Variants in SLC26A8 observed in about 807,000 individuals in gnomAD.
The protein encoded by SLC26A8 is testis anion transporter 1.
Under a neutral mutation model 105.0 loss-of-function variants are expected in SLC26A8, and 70 were observed. That is an observed-to-expected ratio of 0.67 (90% CI 0.55 to 0.81). The LOEUF (loss-of-function observed/expected upper bound fraction) is 0.81. Among genes scored for constraint, SLC26A8 ranks in the 40% least tolerant of loss-of-function variants. SLC26A8 has a pLI of 0.00. For synonymous variants in SLC26A8, 415 were observed against 438.3 expected (o/e 0.95, Z 0.66); for missense variants, 998 against 1,181.8 (o/e 0.84, Z 2.28).
At chr6:35,992,750 A>C (rs1761210596) in intron 5 of SLC26A8, 76 bp from the exon 6 acceptor site, 2 of 1,447,906 alleles carry the variant, frequency 1.4e-6, no homozygotes, top group Non-Finnish European at 1.8e-6. Context: ...TCTCCAGGAA[A>C]AGAAGGGTTT....
chr6:36,006,183 G>C (rs1431390629), intron 3 of SLC26A8, among the ~76,000 whole-genome samples: 1 of 150,014 alleles, frequency 6.7e-6, no homozygotes, highest in African/African-American at 2.4e-5. Context: ...GCAGTGGTGT[G>C]ATCTCAGTTT....
chr6:36,022,280 T>G lies in SLC26A8; in HGVS notation c.-3+2224A>C, dbSNP rs116020750. 1.0e-2 allele frequency among the ~76,000 whole-genome samples: 1,518 copies of G among 152,346 alleles called. 13 individuals are homozygous for G. The highest frequency in any genetic ancestry group is 0.015 in the Non-Finnish European group (1,019 of 68,020). ...CTGCGCCTGGCCTATTTAAAGTCTT[T>G]CAGCAGAAGTAGTAATACGCACAGA... is the stretch of plus-strand genomic sequence containing the variant. On this transcript the variant is annotated intron_variant, in intron 1 of 19. Transcript: ENST00000490799.
chr6:36,002,849 G>A (rs189461518), intron 3 of SLC26A8, among the ~76,000 whole-genome samples: 171 of 151,908 alleles, frequency 1.1e-3, no homozygotes, highest in African/African-American at 3.7e-3. Flanking sequence ...GACTATAGGC[G>A]CACGCCACCA....
chr6:35,948,075 T>C (rs150894255), intron 19 of SLC26A8, among the ~76,000 whole-genome samples: 1 of 152,348 alleles, frequency 6.6e-6, no homozygotes, highest in Non-Finnish European at 1.5e-5. Context: ...ATGAATACTA[T>C]AAAGATATAA....
chr6:35,993,205 A>G lies in SLC26A8; in HGVS notation c.628-531T>C, dbSNP rs866834265. Among the ~76,000 whole-genome samples, 78 of 113,410 alleles carry G rather than the reference A, an allele frequency of 6.9e-4. 1 individual carries two copies. Among genetic ancestry groups the G allele is most frequent in the Middle Eastern group, 7.4e-3 (1 of 136 alleles). The allele number at this position is 113,410 out of a possible 152,430, so 74.4% of individuals were successfully genotyped here. On this transcript the variant is annotated intron_variant, in intron 5 of 19. Coordinates refer to ENST00000490799, the MANE Select transcript of SLC26A8 (RefSeq NM_052961.4). ...AGAGATTGGAGGGGGGGGTCTTGCT[A>G]TATTACCTAGGCTGGTCTCGAACTC...
chr6:35,961,178 T>G, intron 12 of SLC26A8, 79 bp from the exon 13 acceptor site: 1 of 1,106,980 alleles, frequency 9.0e-7, no homozygotes, highest in South Asian at 1.4e-5. Context: ...GTTTCTCAAC[T>G]CACCTTCACC....
intron 10 of SLC26A8, among the ~76,000 whole-genome samples, chr6:35,973,666 G>T (rs961264265): frequency 6.6e-6 from 1 of 152,010 alleles, no homozygotes; most frequent in Non-Finnish European, 1.5e-5. Context: ...GGACACCCCT[G>T]CTCTATACCC....
At chr6:35,959,624 G>C (rs2127298397) in intron 15 of SLC26A8, 33 bp from the exon 16 acceptor site, 3 of 1,609,396 alleles carry the variant, frequency 1.9e-6, no homozygotes, top group Non-Finnish European at 2.5e-6. Flanking sequence ...TCCAGAGGAA[G>C]AATGGTGGAA....
At position 35,943,848 on chromosome 6, in the gene SLC26A8, TGGGTAGGAGGA is replaced by T; in HGVS notation, c.*41_*51del. 7.0e-6 allele frequency: 11 copies of T among 1,581,350 alleles called. No homozygotes were observed. The Admixed American group carries it at 1.0e-4, about 15-fold the overall frequency. On this transcript the variant is annotated 3_prime_UTR_variant, in exon 20 of 20. Coordinates refer to ENST00000490799, the MANE Select transcript of SLC26A8 (RefSeq NM_052961.4). ...GGTCTCTGGACAATTGACCCCTTTT[TGGGTAGGAGGA>T]TTTGCCAGCATTATCTGACCCCTTA...
At chr6:35,977,706 T>C (rs1311240428) in intron 8 of SLC26A8, among the ~76,000 whole-genome samples, 4 of 152,198 alleles carry the variant, frequency 2.6e-5, no homozygotes, top group Non-Finnish European at 5.9e-5. Flanking sequence ...GAAGAAATAA[T>C]GCCTATTTTA....
At chr6:35,979,199 C>T (rs1238611655) in intron 8 of SLC26A8, among the ~76,000 whole-genome samples, 2 of 151,520 alleles carry the variant, frequency 1.3e-5, no homozygotes, top group East Asian at 3.9e-4. Flanking sequence ...AACTTAAGGC[C>T]GGGCACGGTG....
chr6:35,997,953 T>G, intron 4 of SLC26A8, 34 bp from the exon 5 acceptor site: 2 of 1,598,314 alleles, frequency 1.3e-6, no homozygotes, highest in Non-Finnish European at 1.7e-6. Context: ...AAGGTGAAGT[T>G]TCAAGTCCAG....
intron 5 of SLC26A8, among the ~76,000 whole-genome samples, chr6:35,994,412 C>A (rs1346778097): frequency 6.6e-6 from 1 of 152,040 alleles, no homozygotes; most frequent in Non-Finnish European, 1.5e-5. Flanking sequence ...CTGCGCCCTG[C>A]CAACTGTCTC....
chr6:35,947,367 C>T (rs116659952), intron 19 of SLC26A8, among the ~76,000 whole-genome samples: 1 of 152,048 alleles, frequency 6.6e-6, no homozygotes, highest in Non-Finnish European at 1.5e-5. Context: ...GGATCCTTCT[C>T]ATTAAATTCA....
chr6:35,956,364 G>A (rs1772060125), intron 16 of SLC26A8, among the ~76,000 whole-genome samples: 2 of 149,864 alleles, frequency 1.3e-5, no homozygotes, highest in African/African-American at 2.5e-5. Flanking sequence ...GGAGGTTGAG[G>A]CTGCAGTGAG....
At chr6:35,987,253 T>C (rs1013256419) in intron 7 of SLC26A8, among the ~76,000 whole-genome samples, 2 of 152,180 alleles carry the variant, frequency 1.3e-5, no homozygotes, top group Non-Finnish European at 2.9e-5. Flanking sequence ...GATTGTAGCA[T>C]TTTAACACAT....
rs1772297468 is a variant in SLC26A8, at chr6:35,961,236, T to G, written c.1462-137A>C. The G allele has an allele frequency of 1.5e-5, 10 of 681,758 alleles. No individual in the cohort carries two copies. The South Asian group carries it at 1.9e-4, about 13-fold the overall frequency. 42.2% of individuals were successfully genotyped at this position (681,758 alleles called of 1,614,324 possible). A position where few individuals can be genotyped will look rare whatever the true frequency, so the allele number is the denominator to read the frequency against. The stretch of plus-strand genomic sequence containing the variant: ...TTTAGGGAAATATTCCATAGCCACA[T>G]GGACTGGTGCCATGACAAACAATGG... On this transcript the variant is annotated intron_variant, in intron 12 of 19. Coordinates refer to ENST00000490799, the MANE Select transcript of SLC26A8 (RefSeq NM_052961.4).
chr6:35,943,686 T>G lies in SLC26A8; in HGVS notation c.*214A>C. ...GAAGGTGAAATGAGGGGAGCCTGGA[T>G]AGGGAATTCAGAGATAATTGTTGGC... On this transcript the variant is annotated 3_prime_UTR_variant, in exon 20 of 20. Transcript: ENST00000490799. The G allele has an allele frequency of 1.6e-6, 1 of 621,990 alleles. No individual in the cohort carries two copies. Among genetic ancestry groups the G allele is most frequent in the Non-Finnish European group, 2.6e-6 (1 of 377,670 alleles). The allele number at this position is 621,990 out of a possible 1,614,324, so 38.5% of individuals were successfully genotyped here.
intron 16 of SLC26A8, 62 bp downstream of exon 16, chr6:35,959,398 T>C: frequency 1.3e-6 from 2 of 1,497,016 alleles, no homozygotes; most frequent in Non-Finnish European, 1.8e-6. Flanking sequence ...TTTTAAGAAA[T>C]GACTAGTGTA....
Sources: gnomAD v4.1 joint callset for allele counts (sites outside exome capture counted in the v4.1 genomes callset) on GRCh38, gnomAD v4.1.1 for gene constraint, MANE v1.5 for transcripts, NCBI Gene and HGNC (gene_info 2026-07-23, HGNC 2026-07-21) for gene names.